The following VWA5A variants were observed in gnomAD, a reference collection of about 807,000 sequenced individuals.
The protein encoded by VWA5A is von Willebrand factor A domain-containing protein 5A.
VWA5A carries 77 observed loss-of-function variants against 84.6 expected under a neutral mutation model. That is an observed-to-expected ratio of 0.91 (90% CI 0.76 to 1.10). VWA5A has a LOEUF of 1.10. Among genes scored for constraint, VWA5A ranks in the 50% least tolerant of loss-of-function variants. The probability of loss-of-function intolerance (pLI) is 0.00; values close to 1 mark genes in which losing one functional copy is unlikely to be tolerated. For missense variants in VWA5A, 973 were observed against 963.0 expected (o/e 1.01, Z -0.14); for synonymous variants, 334 against 350.1 (o/e 0.95, Z 0.51).
In VWA5A at chr11:124,123,153, C is replaced by G. The variant is rs776080757; in HGVS notation, c.930+24C>G. On this transcript the variant is annotated intron_variant, in intron 8 of 18. Coordinates refer to ENST00000456829, the MANE Select transcript of VWA5A (RefSeq NM_001130142.2). ...AGGTAAAGCTAGTTTCTTTCCTCTT[C>G]TGGGTCACATGCTCAAGTGAGGATG... 14 of 1,602,388 alleles carry G rather than the reference C, an allele frequency of 8.7e-6. No individual in the cohort carries two copies. The South Asian group carries it at 1.6e-4, about 18-fold the overall frequency.
intron 11 of VWA5A, among the ~76,000 whole-genome samples, chr11:124,128,873 A>G (rs1865057282): frequency 6.6e-6 from 1 of 152,196 alleles, no homozygotes; most frequent in Non-Finnish European, 1.5e-5. Flanking sequence ...GCTTAAACAG[A>G]TTTTGGGCTG....
chr11:124,140,357 A>G (rs1860702171), intron 15 of VWA5A, among the ~76,000 whole-genome samples: 1 of 152,218 alleles, frequency 6.6e-6, no homozygotes, highest in African/African-American at 2.4e-5. Context: ...AAAAAAGTAG[A>G]GAAGTCAAGA....
At chr11:124,122,171 T>C in intron 7 of VWA5A, among the ~76,000 whole-genome samples, 1 of 152,246 alleles carries the variant, frequency 6.6e-6, no homozygotes, top group East Asian at 1.9e-4. Context: ...AATTTAATTA[T>C]ATAGCCTCTT....
intron 7 of VWA5A, 151 bp downstream of exon 7, chr11:124,119,240 G>A: frequency 5.4e-6 from 4 of 746,654 alleles, no homozygotes. Flanking sequence ...ATGCAAAAAT[G>A]GTTAGGTTTA....
Position 124,141,722 on chromosome 11 carries a change from C to T in VWA5A, c.2004C>T (p.His668=). The change falls in exon 16 of 19, where the codon CAC becomes CAT. Residue 668 remains histidine, a synonymous_variant. Coordinates refer to ENST00000456829, the MANE Select transcript of VWA5A (RefSeq NM_001130142.2). ...ACAGTCTCTGTGGGTTGATAAGTCA[C>T]AAGGACCAGCACAGTCCAGGTGAGT... is the stretch of plus-strand genomic sequence containing the variant. The part of the protein sequence containing the change: ...DDYSLCGLIS[H]KDQHSPGFGE... The T allele has an allele frequency of 6.2e-7, 1 of 1,614,148 alleles. No individual in the cohort carries two copies. Among genetic ancestry groups the T allele is most frequent in the Non-Finnish European group, 8.5e-7 (1 of 1,180,028 alleles).
intron 11 of VWA5A, among the ~76,000 whole-genome samples, chr11:124,133,679 A>G (rs1412368240): frequency 6.6e-6 from 1 of 152,176 alleles, no homozygotes; most frequent in Non-Finnish European, 1.5e-5. Context: ...GAATCAGCTC[A>G]TCTCTCCATG....
chr11:124,140,233 G>T (rs1860700164), intron 15 of VWA5A, among the ~76,000 whole-genome samples: 1 of 152,012 alleles, frequency 6.6e-6, no homozygotes, highest in South Asian at 2.1e-4. Context: ...CAAGGATATT[G>T]GCCTGTAACT....
chr11:124,126,686 G>A (rs1865022834), intron 11 of VWA5A, among the ~76,000 whole-genome samples: 1 of 151,064 alleles, frequency 6.6e-6, no homozygotes, highest in African/African-American at 2.4e-5. Flanking sequence ...TTGAACCCAG[G>A]AGGCAGAGGT....
In VWA5A at chr11:124,146,156, T is replaced by C; in HGVS notation, c.*211T>C. 2.0e-6 allele frequency: 1 copy of C among 503,686 alleles called. No homozygotes were observed. Among genetic ancestry groups the C allele is most frequent in the Non-Finnish European group, 3.5e-6 (1 of 284,366 alleles). The allele number at this position is 503,686 out of a possible 1,614,324, so 31.2% of individuals were successfully genotyped here. A position where few individuals can be genotyped will look rare whatever the true frequency, so the allele number is the denominator to read the frequency against. On this transcript the variant is annotated 3_prime_UTR_variant, in exon 19 of 19. Coordinates refer to ENST00000456829, the MANE Select transcript of VWA5A (RefSeq NM_001130142.2). ...ACATATGCCCTCAGAAAAGTGACAG[T>C]GGTCCCAGAACCTATTCCCTTTCTT...
intron 15 of VWA5A, among the ~76,000 whole-genome samples, 182 bp from the exon 16 acceptor site, chr11:124,141,416 A>G (rs543393378): frequency 1.3e-5 from 2 of 152,278 alleles, no homozygotes; most frequent in East Asian, 3.9e-4. Flanking sequence ...AGGACACAGT[A>G]GAAGGAGAGC....
chr11:124,133,721 T>C (rs1180297789), intron 11 of VWA5A, among the ~76,000 whole-genome samples: 1 of 152,230 alleles, frequency 6.6e-6, no homozygotes. Flanking sequence ...ATTAGAAACC[T>C]AATAGTACTC....
intron 11 of VWA5A, among the ~76,000 whole-genome samples, chr11:124,127,129 C>T (rs1288001347): frequency 6.6e-6 from 1 of 152,184 alleles, no homozygotes; most frequent in Non-Finnish European, 1.5e-5. Context: ...ATCAACCCAT[C>T]ATCTGCATTA....
In VWA5A at chr11:124,136,613, C is replaced by T. The variant is rs1591364233; in HGVS notation, c.1564C>T (p.Leu522Phe). 5 of 1,614,150 alleles carry T rather than the reference C, an allele frequency of 3.1e-6. No individual in the cohort carries two copies. The East Asian group carries it at 1.1e-4, about 36-fold the overall frequency. Residue 522 changes from leucine to phenylalanine, a missense_variant, in exon 14 of 19, where the codon CTC (leucine) becomes TTC (phenylalanine). Leu to Phe is a conservative substitution (Grantham distance 22, BLOSUM62 0). Transcript: ENST00000456829. ...AGGAGAAGTATGCCTCAAATATACACTCCAGGGCAAGACTTTTGAGGATAA... is the reference window on the plus strand; with the variant it reads ...AGGAGAAGTATGCCTCAAATATACATTCCAGGGCAAGACTTTTGAGGATAA... ...TTGEVCLKYT[L>F]QGKTFEDKVT...
At chr11:124,131,210 A>G (rs1262043719) in intron 11 of VWA5A, among the ~76,000 whole-genome samples, 3 of 152,106 alleles carry the variant, frequency 2.0e-5, no homozygotes, top group Non-Finnish European at 4.4e-5. Flanking sequence ...ATAAATTATA[A>G]ATATCTATCT....
rs1259295326 is a variant in VWA5A at position 124,142,445 on chromosome 11, T to C, written c.2027T>C (p.Phe676Ser). The change falls in exon 17 of 19, where the codon TTT becomes TCT. Residue 676 changes from phenylalanine (F) to serine (S), a missense_variant. By Grantham distance (155) the Phe-to-Ser change is radical. Coordinates refer to ENST00000456829, the MANE Select transcript of VWA5A (RefSeq NM_001130142.2). ...ISHKDQHSPG[F>S]GENHLVQLIY... Reference sequence around the variant, plus strand: ...TCTCTTTTCTTTCTCCTCAAAGGCTTTGGAGAGAATCACCTTGTGCAGCTG... The same window carrying C: ...TCTCTTTTCTTTCTCCTCAAAGGCTCTGGAGAGAATCACCTTGTGCAGCTG... 1.9e-6 allele frequency: 3 copies of C among 1,614,148 alleles called. No homozygotes were observed. In the Admixed American group the frequency reaches 5.0e-5, roughly 27 times the overall value.
At chr11:124,120,394 G>T (rs952537659) in intron 7 of VWA5A, among the ~76,000 whole-genome samples, 1 of 152,168 alleles carries the variant, frequency 6.6e-6, no homozygotes, top group Non-Finnish European at 1.5e-5. Context: ...GAATGGACAT[G>T]TCCTTGGTGA....
intron 13 of VWA5A, 29 bp from the exon 14 acceptor site, chr11:124,136,545 C>A (rs761966447): frequency 6.3e-7 from 1 of 1,598,618 alleles, no homozygotes; most frequent in South Asian, 1.1e-5. Context: ...TTACATGTTC[C>A]GTCATTTCTA....
At chr11:124,122,889 C>A in intron 7 of VWA5A, 71 bp from the exon 8 acceptor site, 2 of 1,443,878 alleles carry the variant, frequency 1.4e-6, no homozygotes, top group East Asian at 2.3e-5. Flanking sequence ...GAATTCACTA[C>A]CATTGATTCT....
intron 12 of VWA5A, among the ~76,000 whole-genome samples, chr11:124,135,544 T>C (rs1166088917): frequency 7.0e-6 from 1 of 143,310 alleles, no homozygotes; most frequent in Non-Finnish European, 1.5e-5. Context: ...TTTTTTTTTT[T>C]TTCTGAGACG....
Sources: gnomAD v4.1 joint callset for allele counts (sites outside exome capture counted in the v4.1 genomes callset) on GRCh38, gnomAD v4.1.1 for gene constraint, MANE v1.5 for transcripts, NCBI Gene and HGNC (gene_info 2026-07-23, HGNC 2026-07-21) for gene names.